The following MED1 variants were observed in gnomAD, a reference collection of about 807,000 sequenced individuals.
MED1 encodes mediator complex subunit 1, also known as mediator of RNA polymerase II transcription subunit 1.
MED1 carries 17 observed loss-of-function variants against 121.3 expected under a neutral mutation model. The observed-to-expected ratio is 0.14, with a 90% CI of 0.10 to 0.21. MED1 has a LOEUF of 0.21. Ranked by LOEUF, MED1 falls within the 10% of genes least tolerant of loss-of-function variation. The pLI, the probability that MED1 is intolerant of heterozygous loss-of-function variation, is 1.00. For missense variants in MED1, 1,558 were observed against 1,919.4 expected, an observed-to-expected ratio of 0.81 and a Z score of 3.52; for synonymous variants, 661 against 694.4, an observed-to-expected ratio of 0.95 and a Z score of 0.76.
chr17:39,411,800 A>C (rs1384971264), intron 16 of MED1, among the ~76,000 whole-genome samples: 1 of 151,902 alleles, frequency 6.6e-6, no homozygotes. Flanking sequence ...GAGTTTTGAG[A>C]CCAGCCTGGC....
In MED1 at chr17:39,440,093, A is replaced by C. The variant is rs192961764; in HGVS notation, c.399+293T>G. Among the ~76,000 whole-genome samples, 31 of 151,778 alleles carry C rather than the reference A, an allele frequency of 2.0e-4. 1 individual carries two copies. The East Asian group carries it at 2.7e-3, about 13-fold the overall frequency. On this transcript the variant is annotated intron_variant, in intron 5 of 16. Coordinates refer to ENST00000300651, the MANE Select transcript of MED1 (RefSeq NM_004774.4). The surrounding 1 kb of genome is among the most constrained non-coding windows in gnomAD (Gnocchi z 4.1). ...AAAAGAAAGCAAGCAAGCAAGCAAGAAAGAAAGAAAGAAAAAAGAAAGAAA... is the reference window on the plus strand; with the variant it reads ...AAAAGAAAGCAAGCAAGCAAGCAAGCAAGAAAGAAAGAAAAAAGAAAGAAA...
intron 16 of MED1, among the ~76,000 whole-genome samples, chr17:39,413,990 G>T (rs2048381667): frequency 6.7e-6 from 1 of 149,040 alleles, no homozygotes; most frequent in African/African-American, 2.5e-5. Flanking sequence ...ACTTTGGGAG[G>T]CCAAGGCAGG....
intron 7 of MED1, among the ~76,000 whole-genome samples, chr17:39,433,639 A>T (rs1045373590): frequency 6.6e-6 from 1 of 151,704 alleles, no homozygotes; most frequent in Non-Finnish European, 1.5e-5. Context: ...CTGCACCCTC[A>T]AACTACTAGT....
In MED1 at chr17:39,407,797, G is replaced by A. The variant is rs1264023379; in HGVS notation, c.4424C>T (p.Ser1475Phe). The A allele has an allele frequency of 2.5e-6, 4 of 1,614,020 alleles. No individual in the cohort carries two copies. Among genetic ancestry groups the A allele is most frequent in the Non-Finnish European group, 3.4e-6 (4 of 1,180,046 alleles). Residue 1475 changes from serine to phenylalanine, a missense_variant, in exon 17 of 17, where the codon TCT (serine) becomes TTT (phenylalanine). Ser to Phe is a radical substitution (Grantham distance 155). Coordinates refer to ENST00000300651, the MANE Select transcript of MED1 (RefSeq NM_004774.4). Reference sequence around the variant, plus strand: ...GTCTGAGCTGGGACTATTCTGATAAGATTTCTCTGCTATGGAGGAGCCTGA... The same window carrying A: ...GTCTGAGCTGGGACTATTCTGATAAAATTTCTCTGCTATGGAGGAGCCTGA... The part of the protein sequence containing the change: ...SESGSSIAEK[S>F]YQNSPSSDDG...
At chr17:39,431,434 C>T (rs1410983838) in intron 8 of MED1, among the ~76,000 whole-genome samples, 2 of 152,096 alleles carry the variant, frequency 1.3e-5, no homozygotes, top group Non-Finnish European at 2.9e-5. Context: ...CCCGCCACCA[C>T]GCCCAGCTAA....
At chr17:39,436,305 G>C (rs576579646) in intron 6 of MED1, among the ~76,000 whole-genome samples, 1 of 148,464 alleles carries the variant, frequency 6.7e-6, no homozygotes, top group African/African-American at 2.5e-5. Context: ...AGCTTGCAGT[G>C]AGCAGAGAGC....
At chr17:39,439,608 A>G (rs1204444307) in intron 5 of MED1, among the ~76,000 whole-genome samples, 2 of 152,094 alleles carry the variant, frequency 1.3e-5, no homozygotes, top group African/African-American at 4.8e-5. Flanking sequence ...CCCAGCACCT[A>G]TTGTTCAATC....
At chr17:39,441,317 T>A (rs571216904) in intron 3 of MED1, among the ~76,000 whole-genome samples, 1 of 152,218 alleles carries the variant, frequency 6.6e-6, no homozygotes, top group Admixed American at 6.5e-5. Flanking sequence ...AAGGCGGGAA[T>A]GGGACATTAC....
rs527527281 is a variant in MED1 at position 39,440,125 on chromosome 17, A to AAAGG, written c.399+257_399+260dup. Among the ~76,000 whole-genome samples the AAAGG allele has an allele frequency of 5.6e-4, 83 of 149,190 alleles. No homozygotes were observed. The highest frequency in any genetic ancestry group is 1.0e-3 in the East Asian group (5 of 5,018). On this transcript the variant is annotated intron_variant, in intron 5 of 16. Transcript: ENST00000300651. The surrounding 1 kb of genome is among the most constrained non-coding windows in gnomAD (Gnocchi z 4.1). ...GAAAGAAAAAAGAAAGAAAAGAAAG[A>AAAGG]AAGGAAGGAAGGAAGGAAGGAAAGG...
chr17:39,436,512 C>G (rs1048396522), intron 6 of MED1, among the ~76,000 whole-genome samples: 1 of 152,136 alleles, frequency 6.6e-6, no homozygotes, highest in East Asian at 1.9e-4. Context: ...CTTAAATTCC[C>G]CAAAAGTCTT....
rs747132989 is a variant in MED1, at chr17:39,409,880, C to T, written c.2341G>A (p.Asp781Asn). The part of the protein sequence containing the change: ...SSDSIGPDVT[D>N]ILSDIAEEAS... ...TCTTCTGCAATGTCTGAAAGGATGT[C>T]AGTTACATCTGGGCCAATGCTGTCT... The change falls in exon 17 of 17, where the codon GAC (aspartate) becomes AAC (asparagine). Residue 781 changes from aspartate (D) to asparagine (N), a missense_variant. This residue lies in a region of MED1 where 793 missense variants were observed against 898.2 expected (regional missense o/e 0.88). Transcript: ENST00000300651. The T allele has an allele frequency of 6.2e-7, 1 of 1,614,146 alleles. No individual in the cohort carries two copies. The highest frequency in any genetic ancestry group is 8.5e-7 in the Non-Finnish European group (1 of 1,180,032).
At chr17:39,450,446 T>C (rs2048771468) in intron 1 of MED1, among the ~76,000 whole-genome samples, 2 of 152,232 alleles carry the variant, frequency 1.3e-5, no homozygotes, top group South Asian at 4.1e-4. Flanking sequence ...CACAGTTCAC[T>C]GTATCAACAG....
At position 39,409,054 on chromosome 17, in the gene MED1, G is replaced by A. The variant is rs1248494911; in HGVS notation, c.3167C>T (p.Ala1056Val). The A allele has an allele frequency of 6.2e-7, 1 of 1,614,116 alleles. No homozygotes were observed. The highest frequency in any genetic ancestry group is 1.7e-5 in the Admixed American group (1 of 60,010). ...AGTGATTTTGGGAATGGGTGGTGTG[G>A]CAACACCTGGGGGAGTCTGAGATCT... ...AGRSQTPPGV[A>V]TPPIPKITIQ... The change falls in exon 17 of 17, where the codon GCC becomes GTC. Residue 1056 changes from alanine to valine, a missense_variant. Physicochemically the swap from Ala to Val is moderately conservative, Grantham distance 64. Coordinates refer to ENST00000300651, the MANE Select transcript of MED1 (RefSeq NM_004774.4).
Position 39,440,413 on chromosome 17 carries a change from T to G in MED1, c.372A>C (p.Lys124Asn), listed in dbSNP as rs1366243094. Residue 124 changes from lysine to asparagine, a missense_variant, in exon 5 of 17, where the codon AAA (lysine) becomes AAC (asparagine). Lys to Asn is a moderately conservative substitution (Grantham distance 94). Coordinates refer to ENST00000300651, the MANE Select transcript of MED1 (RefSeq NM_004774.4). The surrounding 1 kb of genome is among the most constrained non-coding windows in gnomAD (Gnocchi z 4.1). ...LDPAGQLCDV[K>N]VAHHGENPVS... ...CAGGATTCTCCCCATGGTGAGCCAC[T>G]TTTACATCACAAAGCTGTCCTGCAG... 14 of 1,575,750 alleles carry G rather than the reference T, an allele frequency of 8.9e-6. No homozygotes were observed. The highest frequency in any genetic ancestry group is 1.4e-5 in the African/African-American group (1 of 72,604).
chr17:39,426,821 A>G (rs911236640), intron 10 of MED1, among the ~76,000 whole-genome samples: 2 of 152,130 alleles, frequency 1.3e-5, no homozygotes, highest in African/African-American at 4.8e-5. Context: ...GGCATGAGCC[A>G]CCGCGCCCGG....
intron 10 of MED1, among the ~76,000 whole-genome samples, chr17:39,425,814 A>G (rs2048509932): frequency 6.6e-6 from 1 of 151,952 alleles, no homozygotes; most frequent in East Asian, 1.9e-4. Flanking sequence ...GAAAAAAAAA[A>G]AAAAAATTAG....
intron 16 of MED1, among the ~76,000 whole-genome samples, chr17:39,410,999 T>C (rs2048350422): frequency 6.6e-6 from 1 of 151,710 alleles, no homozygotes; most frequent in African/African-American, 2.4e-5. Flanking sequence ...TAAAAGAAAA[T>C]TGGTAATAAT....
chr17:39,415,143 A>T lies in MED1; in HGVS notation c.1394-12T>A. ...CACATCCATTACCACTGAAAGACAA[A>T]ATACATAGGAAATTGTTTTAGATTT... On this transcript the variant is annotated splice_polypyrimidine_tract_variant and intron_variant, in intron 15 of 16. Transcript: ENST00000300651. 1 of 1,612,830 alleles carries T rather than the reference A, an allele frequency of 6.2e-7. No individual in the cohort carries two copies. The highest frequency in any genetic ancestry group is 8.5e-7 in the Non-Finnish European group (1 of 1,178,794).
intron 16 of MED1, among the ~76,000 whole-genome samples, chr17:39,411,860 A>C (rs2048358659): frequency 6.6e-6 from 1 of 151,870 alleles, no homozygotes; most frequent in African/African-American, 2.4e-5. Flanking sequence ...AATACAAAAA[A>C]TTAGCTGGGC....
Sources: gnomAD v4.1 joint callset for allele counts (sites outside exome capture counted in the v4.1 genomes callset) on GRCh38, gnomAD v4.1.1 for gene constraint, gnomAD v4.1.1 regional missense constraint, Gnocchi (gnomAD v3.1) non-coding constraint, MANE v1.5 for transcripts, NCBI Gene and HGNC (gene_info 2026-07-23, HGNC 2026-07-21) for gene names.